Variants in GALNT10 observed in about 807,000 individuals in gnomAD.
The protein encoded by GALNT10 is polypeptide N-acetylgalactosaminyltransferase 10.
In GALNT10, 41 loss-of-function variants were observed where a neutral mutation model predicts 75.0. The ratio of observed to expected loss-of-function variants is 0.55; its 90% CI spans 0.43 to 0.71. GALNT10 has a LOEUF of 0.71. GALNT10 is among the 30% of genes least tolerant of loss of function. The pLI, the probability that GALNT10 is intolerant of heterozygous loss-of-function variation, is 0.00. For missense variants in GALNT10, 727 were observed against 818.5 expected (o/e 0.89, Z 1.36); for synonymous variants, 302 against 313.0 (o/e 0.96, Z 0.37).
chr5:154,243,860 T>A (rs56930823), intron 1 of GALNT10, among the ~76,000 whole-genome samples: 2,925 of 152,322 alleles, frequency 0.019, 82 homozygotes, highest in African/African-American at 0.066. Flanking sequence ...TATTATAAAT[T>A]GGTCCCCATC....
intron 1 of GALNT10, among the ~76,000 whole-genome samples, chr5:154,200,156 G>A (rs1775004146): frequency 6.6e-6 from 1 of 152,156 alleles, no homozygotes; most frequent in South Asian, 2.1e-4. Context: ...ACCCCCATGA[G>A]CCTGGTTCTT....
intron 1 of GALNT10, among the ~76,000 whole-genome samples, chr5:154,199,853 C>G (rs1324659158): frequency 1.3e-5 from 2 of 152,204 alleles, no homozygotes; most frequent in Non-Finnish European, 2.9e-5. Context: ...TGCCTGACCT[C>G]TGGGGCTTCC....
intron 4 of GALNT10, among the ~76,000 whole-genome samples, chr5:154,360,726 C>T (rs1755372858): frequency 6.6e-6 from 1 of 152,136 alleles, no homozygotes; most frequent in Non-Finnish European, 1.5e-5. Context: ...AGAAACTTCA[C>T]CCTTTTTTGT....
At chr5:154,279,892 C>T (rs966730941) in intron 1 of GALNT10, among the ~76,000 whole-genome samples, 2 of 152,076 alleles carry the variant, frequency 1.3e-5, no homozygotes, top group African/African-American at 4.8e-5. Flanking sequence ...AAAAATAGAA[C>T]TGCCATATAA....
At chr5:154,237,650 A>G (rs1753267022) in intron 1 of GALNT10, among the ~76,000 whole-genome samples, 1 of 152,214 alleles carries the variant, frequency 6.6e-6, no homozygotes, top group East Asian at 1.9e-4. Flanking sequence ...TGGCTGGGAC[A>G]GTTTATCAGA....
At chr5:154,314,563 A>G (rs1754570205) in intron 3 of GALNT10, among the ~76,000 whole-genome samples, 1 of 151,960 alleles carries the variant, frequency 6.6e-6, no homozygotes, top group African/African-American at 2.4e-5. Context: ...GTGGCCTGGG[A>G]ATGGTAGTTG....
intron 1 of GALNT10, among the ~76,000 whole-genome samples, chr5:154,208,835 G>T (rs1208724391): frequency 6.6e-6 from 1 of 152,160 alleles, no homozygotes; most frequent in Non-Finnish European, 1.5e-5. Context: ...AAGAATATAG[G>T]AATGGCAGAT....
At chr5:154,325,247 T>G (rs1287726585) in intron 3 of GALNT10, among the ~76,000 whole-genome samples, 1 of 152,186 alleles carries the variant, frequency 6.6e-6, no homozygotes, top group African/African-American at 2.4e-5. Context: ...GTTATATATA[T>G]GCTAGAGACA....
intron 1 of GALNT10, among the ~76,000 whole-genome samples, chr5:154,191,265 A>G (rs1398122832): frequency 2.6e-5 from 4 of 151,620 alleles, no homozygotes; most frequent in Admixed American, 2.0e-4. Context: ...ACATGTTACC[A>G]CCTTCCTTTC....
intron 1 of GALNT10, among the ~76,000 whole-genome samples, chr5:154,195,911 G>A (rs1774931010): frequency 6.6e-6 from 1 of 151,976 alleles, no homozygotes. Context: ...ACATTTTATA[G>A]TGTTTTGTTT....
chr5:154,391,638 T>G (rs1019809960), intron 7 of GALNT10, among the ~76,000 whole-genome samples: 3 of 152,360 alleles, frequency 2.0e-5, no homozygotes, highest in Non-Finnish European at 1.5e-5. Flanking sequence ...TAGTCTGGAT[T>G]CTTGCTTACA....
chr5:154,366,906 T>C (rs1400702369), intron 4 of GALNT10, among the ~76,000 whole-genome samples: 2 of 152,166 alleles, frequency 1.3e-5, no homozygotes, highest in African/African-American at 4.8e-5. Flanking sequence ...GTACTAGCCT[T>C]GGGTCAGGGG....
intron 3 of GALNT10, among the ~76,000 whole-genome samples, chr5:154,315,678 C>T (rs1460460856): frequency 1.3e-5 from 2 of 152,202 alleles, no homozygotes; most frequent in Admixed American, 6.5e-5. Flanking sequence ...CTGCTTCTGC[C>T]CTAAACAACT....
chr5:154,292,274 C>T (rs1370018949), intron 1 of GALNT10, among the ~76,000 whole-genome samples: 1 of 152,200 alleles, frequency 6.6e-6, no homozygotes, highest in Non-Finnish European at 1.5e-5. Context: ...ATTGCTGGGC[C>T]CCATCCCCAG....
At chr5:154,369,235 A>G (rs753404855) in intron 4 of GALNT10, among the ~76,000 whole-genome samples, 12 of 152,106 alleles carry the variant, frequency 7.9e-5, no homozygotes, top group Non-Finnish European at 1.5e-4. Context: ...AAAAAATACA[A>G]AAATTAGCCA....
intron 4 of GALNT10, chr5:154,349,454 G>C (rs1369471077): frequency 6.6e-6 from 1 of 152,114 alleles, no homozygotes; most frequent in Non-Finnish European, 1.5e-5. Flanking sequence ...TGTGCCTGTA[G>C]TCCTAGCTAC....
chr5:154,329,965 A>AAAAAAT (rs1031838664), intron 4 of GALNT10: 3 of 360,028 alleles, frequency 8.3e-6, no homozygotes, highest in Non-Finnish European at 1.5e-5. Context: ...TAACTGCAAA[A>AAAAAAT]AAAAAAAAAA....
At chr5:154,249,407 C>T (rs1175435927) in intron 1 of GALNT10, among the ~76,000 whole-genome samples, 1 of 152,110 alleles carries the variant, frequency 6.6e-6, no homozygotes, top group Admixed American at 6.6e-5. Flanking sequence ...AATATTAATA[C>T]CAGAGGGCAT....
chr5:154,342,194 G>T (rs771542713), intron 4 of GALNT10, among the ~76,000 whole-genome samples: 1 of 152,150 alleles, frequency 6.6e-6, no homozygotes, highest in Non-Finnish European at 1.5e-5. Context: ...GGAATGAGAT[G>T]AAATTAAAAA....
Sources: gnomAD v4.1 joint callset for allele counts (sites outside exome capture counted in the v4.1 genomes callset) on GRCh38, gnomAD v4.1.1 for gene constraint, MANE v1.5 for transcripts, NCBI Gene and HGNC (gene_info 2026-07-23, HGNC 2026-07-21) for gene names.